Variants in BEST1 observed in about 807,000 individuals in gnomAD.
BEST1 encodes the protein bestrophin 1, also known as bestrophin-1.
Under a neutral mutation model 63.3 loss-of-function variants are expected in BEST1, and 58 were observed. The observed-to-expected ratio is 0.92, with a 90% CI of 0.74 to 1.14. The LOEUF (loss-of-function observed/expected upper bound fraction) is 1.14. BEST1 is among the 50% of genes most tolerant of loss of function. BEST1 has a pLI of 0.00. For synonymous variants in BEST1, 283 were observed against 291.6 expected, an observed-to-expected ratio of 0.97 and a Z score of 0.30; for missense variants, 671 against 740.1, an observed-to-expected ratio of 0.91 and a Z score of 1.08.
At chr11:61,963,115 CG>C in intron 10 of BEST1, 4 of 1,460,120 alleles carry the variant, frequency 2.7e-6, no homozygotes, top group South Asian at 1.5e-5. Context: ...TGGTATCACC[CG>C]GAAGACTTCT....
chr11:61,964,904 G>A, downstream of BEST1: 1 of 1,611,858 alleles, frequency 6.2e-7, no homozygotes, highest in African/African-American at 1.3e-5. Context: ...GCAAAACAAT[G>A]GGGAAGACAG....
At chr11:61,953,652 G>A (rs1386009694) in intron 2 of BEST1, among the ~76,000 whole-genome samples, 1 of 152,194 alleles carries the variant, frequency 6.6e-6, no homozygotes, top group East Asian at 1.9e-4. Flanking sequence ...AGAGGTTGCA[G>A]TGAGCCGAGA....
At chr11:61,958,387 A>G (rs1941633950) in intron 7 of BEST1, 89 bp downstream of exon 7, 2 of 1,602,650 alleles carry the variant, frequency 1.2e-6, no homozygotes, top group Non-Finnish European at 8.5e-7. Flanking sequence ...CAGTGTCAGG[A>G]AAGGAAGGTC....
chr11:61,951,367 T>G (rs1940638088), intron 1 of BEST1, among the ~76,000 whole-genome samples: 1 of 151,996 alleles, frequency 6.6e-6, no homozygotes, highest in Non-Finnish European at 1.5e-5. Context: ...GCACCACGCC[T>G]GGATAATTTT....
At chr11:61,960,171 T>C (rs1941916841) in intron 9 of BEST1, 128 bp downstream of exon 9, 1 of 1,231,466 alleles carries the variant, frequency 8.1e-7, no homozygotes, top group East Asian at 2.6e-5. Flanking sequence ...TACTATGCTC[T>C]TTATAAACAT....
At chr11:61,965,233 G>T, downstream of BEST1, 1 of 1,591,436 alleles carries the variant, frequency 6.3e-7, no homozygotes, top group Non-Finnish European at 8.6e-7. Context: ...AGTTTAGATG[G>T]TAAGCCTAAA....
intron 10 of BEST1, 189 bp downstream of exon 10, chr11:61,963,082 C>A: frequency 6.8e-7 from 1 of 1,475,038 alleles, no homozygotes; most frequent in Non-Finnish European, 9.0e-7. Flanking sequence ...GGGAAGTGTT[C>A]GGGACCTTTT....
rs570130715 is a variant in BEST1, at chr11:61,951,753, G to A, written c.-36-18G>A. ...CTCTGATCCCTACAAACCCCCAATC[G>A]GTGTCCCTCTCTACCAGGACCCAAG... On this transcript the variant is annotated intron_variant, in intron 1 of 10. Transcript: ENST00000378043. 19 of 1,604,830 alleles carry A rather than the reference G, an allele frequency of 1.2e-5. No homozygotes were observed. Among genetic ancestry groups the A allele is most frequent in the Admixed American group, 1.7e-5 (1 of 59,978 alleles).
chr11:61,964,550 C>T, downstream of BEST1: 1 of 752,240 alleles, frequency 1.3e-6, no homozygotes, highest in Non-Finnish European at 2.2e-6. Flanking sequence ...ATCCCAAGAC[C>T]TCAAAGACAA....
intron 9 of BEST1, 60 bp downstream of exon 9, chr11:61,960,103 G>T (rs976520236): frequency 1.3e-6 from 2 of 1,573,600 alleles, no homozygotes; most frequent in African/African-American, 2.7e-5. Flanking sequence ...GTCTGCCTAG[G>T]AACTTAGAAT....
Position 61,963,307 on chromosome 11 carries a change from C to T in BEST1, c.1739+414C>T, listed in dbSNP as rs1591316016. The stretch of plus-strand genomic sequence containing the variant: ...CAGCTGGATGACAGATGAACACTTC[C>T]CCCATAACTATTTAGGGTAGTACCC... On this transcript the variant is annotated intron_variant, in intron 10 of 10. Transcript: ENST00000378043. 2.9e-6 allele frequency: 4 copies of T among 1,357,716 alleles called. No individual in the cohort carries two copies. In the South Asian group the frequency reaches 6.5e-5, roughly 22 times the overall value. 84.1% of individuals were successfully genotyped at this position (1,357,716 alleles called of 1,614,324 possible).
At chr11:61,958,725 G>A (rs964269399) in intron 7 of BEST1, 19 of 409,000 alleles carry the variant, frequency 4.6e-5, no homozygotes, top group African/African-American at 3.1e-4. Flanking sequence ...CCAATACTCC[G>A]AACAGATGTT....
intron 9 of BEST1, chr11:61,961,143 G>T (rs1340015796): frequency 6.6e-6 from 1 of 151,842 alleles, no homozygotes; most frequent in Non-Finnish European, 1.5e-5. Flanking sequence ...TCAGCCTCCT[G>T]AGTAGCTGGG....
chr11:61,949,926 T>C (rs1940490380), upstream of BEST1: 1 of 152,216 alleles, frequency 6.6e-6, no homozygotes, highest in African/African-American at 2.4e-5. Context: ...TGCAGCCCGG[T>C]ATTCATTCTT....
At chr11:61,956,673 C>A (rs75756770) in intron 4 of BEST1, among the ~76,000 whole-genome samples, 171 bp from the exon 5 acceptor site, 5 of 152,066 alleles carry the variant, frequency 3.3e-5, no homozygotes, top group African/African-American at 1.2e-4. Flanking sequence ...TAAATAAATA[C>A]CCTGCCCACA....
chr11:61,962,667 G>GT lies in BEST1; in HGVS notation c.1514dup (p.Ser506GlufsTer9). 1.2e-6 allele frequency: 2 copies of GT among 1,614,124 alleles called. No individual in the cohort carries two copies. The highest frequency in any genetic ancestry group is 2.2e-5 in the East Asian group (1 of 44,888). On this transcript the variant is annotated frameshift_variant, in exon 10 of 11. Transcript: ENST00000378043. LOFTEE classifies it high-confidence loss of function. ...CACCAAAGACAAAAGCTTAAAGACT[G>GT]TGAGTTCTGGGGCCAAGAAAAGTTT...
Position 61,950,692 on chromosome 11 carries a change from G to A in BEST1, c.-37+265G>A, listed in dbSNP as rs377201250. ...CTGCTTCAGTAAATTTTTATTGAGC[G>A]CCTTCTACGAGAACACAAGAGGAGC... is the stretch of plus-strand genomic sequence containing the variant. On this transcript the variant is annotated intron_variant, in intron 1 of 10. Coordinates refer to ENST00000378043, the MANE Select transcript of BEST1 (RefSeq NM_004183.4). Among the ~76,000 whole-genome samples the A allele has an allele frequency of 3.3e-4, 50 of 152,286 alleles. No homozygotes were observed. In the East Asian group the frequency reaches 4.0e-3, roughly 12 times the overall value.
rs1034418198 is a variant in BEST1 at position 61,955,887 on chromosome 11, C to A, written c.417C>A (p.Ile139=). The stretch of plus-strand genomic sequence containing the variant: ...ACGCCAACCTGGGCAACGTGCTCAT[C>A]CTGCGCAGCGTCAGCACCGCAGTCT... The part of the protein sequence containing the change: ...IRYANLGNVL[I]LRSVSTAVYK... Residue 139 remains isoleucine, a synonymous_variant, in exon 4 of 11, where the codon ATC becomes ATA. Transcript: ENST00000378043. The A allele has an allele frequency of 6.4e-7, 1 of 1,550,412 alleles. No individual in the cohort carries two copies. The highest frequency in any genetic ancestry group is 2.0e-5 in the Admixed American group (1 of 50,990).
intron 7 of BEST1, chr11:61,958,810 T>G: frequency 3.1e-6 from 1 of 322,962 alleles, no homozygotes; most frequent in Non-Finnish European, 6.0e-6. Context: ...TCTCCCTTCC[T>G]ACCTTCCTTT....
Sources: allele counts gnomAD v4.1 joint callset (sites outside exome capture counted in the v4.1 genomes callset), GRCh38; gene constraint gnomAD v4.1.1; transcripts MANE v1.5; gene names NCBI Gene and HGNC (gene_info 2026-07-23, HGNC 2026-07-21).